The following DYNC2H1 variants were observed in gnomAD, a reference collection of about 807,000 sequenced individuals.
DYNC2H1 encodes the protein dynein cytoplasmic 2 heavy chain 1.
Under a neutral mutation model 570.0 loss-of-function variants are expected in DYNC2H1, and 410 were observed. The observed-to-expected ratio is 0.72, with a 90% CI of 0.66 to 0.78. The LOEUF is 0.78. Among genes scored for constraint, DYNC2H1 ranks in the 30% least tolerant of loss-of-function variants. The pLI, the probability that DYNC2H1 is intolerant of heterozygous loss-of-function variation, is 0.00. For missense variants in DYNC2H1, 4,865 were observed against 5,046.4 expected (o/e 0.96, Z 1.09); for synonymous variants, 1,688 against 1,677.6 (o/e 1.01, Z -0.15).
intron 84 of DYNC2H1, chr11:103,406,109 A>G (rs532321496): frequency 6.6e-5 from 10 of 152,178 alleles, no homozygotes; most frequent in East Asian, 3.9e-4. Flanking sequence ...TTTGCATTCA[A>G]TTGATGCAGA....
chr11:103,120,654 A>ATAC, intron 7 of DYNC2H1, 35 bp from the exon 8 acceptor site: 1 of 1,606,610 alleles, frequency 6.2e-7, no homozygotes, highest in Non-Finnish European at 8.5e-7. Flanking sequence ...GATTTAAAAA[A>ATAC]TACTAAAGTC....
intron 83 of DYNC2H1, among the ~76,000 whole-genome samples, chr11:103,394,151 GTATTTA>G (rs1942292496): frequency 6.6e-6 from 1 of 152,020 alleles, no homozygotes; most frequent in Non-Finnish European, 1.5e-5. Flanking sequence ...AATTTATTGG[GTATTTA>G]TTACTTACTT....
At chr11:103,372,334 A>C (rs2135557454) in intron 83 of DYNC2H1, among the ~76,000 whole-genome samples, 1 of 152,086 alleles carries the variant, frequency 6.6e-6, no homozygotes, top group Non-Finnish European at 1.5e-5. Flanking sequence ...CTCGTTCTTG[A>C]TCTTAACATT....
intron 82 of DYNC2H1, among the ~76,000 whole-genome samples, chr11:103,340,752 C>T (rs1383312824): frequency 6.6e-6 from 1 of 152,078 alleles, no homozygotes; most frequent in African/African-American, 2.4e-5. Context: ...CCTTTCGTAA[C>T]TATTGTCTGG....
At position 103,299,481 on chromosome 11, in the gene DYNC2H1, T is replaced by C. The variant is rs1197544975; in HGVS notation, c.11096-3612T>C. Among the ~76,000 whole-genome samples the C allele has an allele frequency of 1.3e-5, 2 of 152,190 alleles. No homozygotes were observed. The highest frequency in any genetic ancestry group is 2.4e-5 in the African/African-American group (1 of 41,558). On this transcript the variant is annotated intron_variant, in intron 75 of 88. Coordinates refer to ENST00000375735, the MANE Select transcript of DYNC2H1 (RefSeq NM_001377.3). The surrounding 1 kb of genome is among the most constrained non-coding windows in gnomAD (Gnocchi z 4.5). ...CAAACCCATTCAGGTTCAGCCCTATTCAGTTTTAGGAGTGAGGTCCCCATT... is the reference window on the plus strand; with the variant it reads ...CAAACCCATTCAGGTTCAGCCCTATCCAGTTTTAGGAGTGAGGTCCCCATT...
At chr11:103,168,701 A>G in intron 31 of DYNC2H1, 54 bp from the exon 32 acceptor site, 2 of 1,550,886 alleles carry the variant, frequency 1.3e-6, no homozygotes, top group Non-Finnish European at 1.8e-6. Flanking sequence ...CATAAATTAT[A>G]TAAATCACAG....
chr11:103,257,194 G>A (rs1027029026), intron 68 of DYNC2H1, among the ~76,000 whole-genome samples: 27 of 152,104 alleles, frequency 1.8e-4, no homozygotes, highest in African/African-American at 5.6e-4. Context: ...GCCCCTTCCA[G>A]CATGTGAGAA....
At position 103,395,207 on chromosome 11, in the gene DYNC2H1, A is replaced by G. The variant is rs1372224266; in HGVS notation, c.12157-4456A>G. Among the ~76,000 whole-genome samples, 1 of 152,084 alleles carries G rather than the reference A, an allele frequency of 6.6e-6. No homozygotes were observed. Among genetic ancestry groups the G allele is most frequent in the Non-Finnish European group, 1.5e-5 (1 of 68,020 alleles). On this transcript the variant is annotated intron_variant, in intron 83 of 88. Transcript: ENST00000375735. This position sits in a 1 kb window ranked among gnomAD's most constrained non-coding sequence, Gnocchi z 4.3. ...CAAGTAATTGGAAAACTCAGCTCAA[A>G]CTGACTTATGTGAAAAATGGAAATG... is the stretch of plus-strand genomic sequence containing the variant.
In DYNC2H1 at chr11:103,186,485, GA is replaced by G. The variant is rs1862076334; in HGVS notation, c.6879del (p.Gly2294AspfsTer38). The G allele has an allele frequency of 6.2e-7, 1 of 1,610,748 alleles. No homozygotes were observed. The highest frequency in any genetic ancestry group is 8.5e-7 in the Non-Finnish European group (1 of 1,178,878). On this transcript the variant is annotated frameshift_variant, in exon 42 of 89. Coordinates refer to ENST00000375735, the MANE Select transcript of DYNC2H1 (RefSeq NM_001377.3). LOFTEE classifies it high-confidence loss of function. This position sits in a 1 kb window ranked among gnomAD's most constrained non-coding sequence, Gnocchi z 4.5. Reference sequence around the variant, plus strand: ...ACAGCCCTTTATTCTGGTAGGACCAGAAGGATGTGGCAAAGGGTAAGAAAAA... The same window carrying G: ...ACAGCCCTTTATTCTGGTAGGACCAGAGGATGTGGCAAAGGGTAAGAAAAA... ...TKQPFILVGPEGCGKGMLLRY... is the reference protein window; with the variant it reads ...TKQPFILVGPXGCGKGMLLRY...
chr11:103,138,409 G>T (rs1254970302), intron 17 of DYNC2H1, among the ~76,000 whole-genome samples: 1 of 151,756 alleles, frequency 6.6e-6, no homozygotes, highest in Non-Finnish European at 1.5e-5. Flanking sequence ...CTCATCAAGA[G>T]TTTTTAGCAT....
In DYNC2H1 at chr11:103,255,377, T is replaced by C. The variant is rs1316433231; in HGVS notation, c.10207-38T>C. 2.6e-6 allele frequency: 4 copies of C among 1,534,036 alleles called. No homozygotes were observed. In the African/African-American group the frequency reaches 5.6e-5, roughly 21 times the overall value. On this transcript the variant is annotated intron_variant, in intron 66 of 88. Coordinates refer to ENST00000375735, the MANE Select transcript of DYNC2H1 (RefSeq NM_001377.3). The stretch of plus-strand genomic sequence containing the variant: ...GGAAGTTTTTGTTTTGTTTTAAGCC[T>C]TATTGCTAGAATTACCTTGTCTTTT...
chr11:103,393,734 C>G (rs1228819448), intron 83 of DYNC2H1, among the ~76,000 whole-genome samples: 3 of 152,118 alleles, frequency 2.0e-5, no homozygotes, highest in African/African-American at 7.2e-5. Flanking sequence ...CACACCGGGA[C>G]TGGGCAATTT....
chr11:103,170,081 C>T lies in DYNC2H1; in HGVS notation c.4969-27C>T, dbSNP rs1861507742. The T allele has an allele frequency of 6.4e-7, 1 of 1,565,342 alleles. No individual in the cohort carries two copies. Among genetic ancestry groups the T allele is most frequent in the Non-Finnish European group, 8.7e-7 (1 of 1,154,244 alleles). ...GTAAATGTTGAATAGAACATGAATA[C>T]TCTGACTTTGTGTTGTTCTTGTATA... On this transcript the variant is annotated intron_variant, in intron 32 of 88. Transcript: ENST00000375735. The surrounding 1 kb of genome is among the most constrained non-coding windows in gnomAD (Gnocchi z 4.8).
intron 82 of DYNC2H1, 102 bp from the exon 83 acceptor site, chr11:103,358,141 C>G: frequency 1.6e-6 from 1 of 632,460 alleles, no homozygotes; most frequent in Non-Finnish European, 2.6e-6. Flanking sequence ...TTTTTGGTCT[C>G]TATTTTTATA....
chr11:103,470,679 C>T (rs1415147980), intron 88 of DYNC2H1, among the ~76,000 whole-genome samples: 2 of 152,090 alleles, frequency 1.3e-5, no homozygotes, highest in Non-Finnish European at 2.9e-5. Flanking sequence ...GGTTTTATGT[C>T]CTTGCGATAG....
rs1330142619 is a variant in DYNC2H1, at chr11:103,254,553, CT to C, written c.10207-860del. Among the ~76,000 whole-genome samples, 1 of 152,058 alleles carries C rather than the reference CT, an allele frequency of 6.6e-6. No homozygotes were observed. The highest frequency in any genetic ancestry group is 2.4e-5 in the African/African-American group (1 of 41,388). On this transcript the variant is annotated intron_variant, in intron 66 of 88. Transcript: ENST00000375735. The surrounding 1 kb of genome is among the most constrained non-coding windows in gnomAD (Gnocchi z 4.9). Reference sequence around the variant, plus strand: ...GGTTTTTTTAGTGGAATTGCTGGGTCTTATGGTTACTTTATATTTGGCAATT... The same window carrying C: ...GGTTTTTTTAGTGGAATTGCTGGGTCTATGGTTACTTTATATTTGGCAATT...
At chr11:103,258,938 G>A (rs1264113109) in intron 69 of DYNC2H1, among the ~76,000 whole-genome samples, 2 of 152,146 alleles carry the variant, frequency 1.3e-5, no homozygotes, top group East Asian at 1.9e-4. Flanking sequence ...ATGAATACAA[G>A]TATTTGCTAT....
In DYNC2H1 at chr11:103,111,355, G is replaced by A. The variant is rs556301658; in HGVS notation, c.195+1586G>A. Among the ~76,000 whole-genome samples, 20 of 152,214 alleles carry A rather than the reference G, an allele frequency of 1.3e-4. 1 individual carries two copies. The South Asian group carries it at 3.7e-3, about 28-fold the overall frequency. On this transcript the variant is annotated intron_variant, in intron 1 of 88. Transcript: ENST00000375735. ...TGTTCTAAGTACTTTATATGTATTC[G>A]TTCATTTAATAGCCATAACGACATT...
chr11:103,241,964 C>T lies in DYNC2H1; in HGVS notation c.9820-1729C>T, dbSNP rs1864438046. 6.6e-6 allele frequency among the ~76,000 whole-genome samples: 1 copy of T among 151,946 alleles called. No homozygotes were observed. The highest frequency in any genetic ancestry group is 2.1e-4 in the South Asian group (1 of 4,800). ...CATTGGTGATATAAAACTATTCGTC[C>T]ACAGGGCAGATAATTCCCACTATCT... On this transcript the variant is annotated intron_variant, in intron 63 of 88. Transcript: ENST00000375735. The surrounding 1 kb of genome is among the most constrained non-coding windows in gnomAD (Gnocchi z 5.1).
Sources: allele counts gnomAD v4.1 joint callset (sites outside exome capture counted in the v4.1 genomes callset), GRCh38; gene constraint gnomAD v4.1.1; non-coding constraint Gnocchi (gnomAD v3.1); transcripts MANE v1.5; gene names NCBI Gene and HGNC (gene_info 2026-07-23, HGNC 2026-07-21).